RSF1: variants seen among roughly 807,000 people sequenced by gnomAD.
The protein encoded by RSF1 is remodeling and spacing factor 1.
In RSF1, 13 loss-of-function variants were observed where a neutral mutation model predicts 145.2. The ratio of observed to expected loss-of-function variants is 0.09; its 90% CI spans 0.06 to 0.14. The LOEUF is 0.14. RSF1 is among the 10% of genes least tolerant of loss of function. RSF1 has a pLI of 1.00. For missense variants in RSF1, 1,517 were observed against 1,718.2 expected (o/e 0.88, Z 2.07); for synonymous variants, 577 against 592.6 (o/e 0.97, Z 0.38).
intron 1 of RSF1, among the ~76,000 whole-genome samples, chr11:77,794,202 C>T (rs933174550): frequency 6.6e-6 from 1 of 152,172 alleles, no homozygotes; most frequent in African/African-American, 2.4e-5. Flanking sequence ...AGATACATAC[C>T]TACTGAACAT....
chr11:77,740,464 T>C (rs190784390), intron 4 of RSF1, among the ~76,000 whole-genome samples: 7 of 152,376 alleles, frequency 4.6e-5, no homozygotes, highest in African/African-American at 1.7e-4. Flanking sequence ...GTCCATATTA[T>C]TTATAATTAT....
At chr11:77,728,541 G>GGGAAGAGGAAAGGGAAGGGGAAAA (rs1309895926) in intron 4 of RSF1, among the ~76,000 whole-genome samples, 3 of 150,156 alleles carry the variant, frequency 2.0e-5, no homozygotes, top group African/African-American at 7.4e-5. Flanking sequence ...AAAGGGGAAA[G>GGGAAGAGGAAAGGGAAGGGGAAAA]GGAAGAGGAA....
chr11:77,858,289 C>A, the RSF1 span, among the ~76,000 whole-genome samples: 1 of 128,316 alleles, frequency 7.8e-6, no homozygotes, highest in East Asian at 2.3e-4. Context: ...CCACCTCCTG[C>A]GTTTAAGCAA....
intron 2 of RSF1, among the ~76,000 whole-genome samples, chr11:77,748,923 T>C (rs951104109): frequency 6.6e-6 from 1 of 152,214 alleles, no homozygotes; most frequent in Non-Finnish European, 1.5e-5. Flanking sequence ...AAATGTCCAC[T>C]AACAGGTGAA....
the RSF1 span, among the ~76,000 whole-genome samples, chr11:77,833,390 G>C: frequency 1.3e-5 from 2 of 152,102 alleles, no homozygotes; most frequent in Non-Finnish European, 2.9e-5. Flanking sequence ...ATTTTCATAA[G>C]GGACTGTGCA....
chr11:77,868,454 G>T, the RSF1 span, among the ~76,000 whole-genome samples: 1 of 150,290 alleles, frequency 6.7e-6, no homozygotes, highest in Non-Finnish European at 1.5e-5. Context: ...TGCCTCCCAG[G>T]TTCAAGTGAT....
chr11:77,793,816 G>A (rs181455350), intron 1 of RSF1, among the ~76,000 whole-genome samples: 98 of 152,232 alleles, frequency 6.4e-4, no homozygotes, highest in African/African-American at 1.9e-3. Context: ...GAGGAGGACC[G>A]GTCTTCCATC....
the RSF1 span, among the ~76,000 whole-genome samples, chr11:77,844,041 A>G: frequency 6.6e-6 from 1 of 152,152 alleles, no homozygotes; most frequent in Non-Finnish European, 1.5e-5. Context: ...TCCTCTCACA[A>G]TATGCAGGAA....
intron 9 of RSF1, among the ~76,000 whole-genome samples, chr11:77,688,200 A>C (rs1590830112): frequency 6.6e-6 from 1 of 152,048 alleles, no homozygotes; most frequent in Non-Finnish European, 1.5e-5. Flanking sequence ...GCTGAGGCAG[A>C]AGAATCGCTT....
the RSF1 span, among the ~76,000 whole-genome samples, chr11:77,850,012 C>G: frequency 6.6e-6 from 1 of 152,180 alleles, no homozygotes; most frequent in South Asian, 2.1e-4. Context: ...CTAAGGTTAG[C>G]AAGAACTATG....
intron 9 of RSF1, among the ~76,000 whole-genome samples, chr11:77,685,817 T>C (rs1333427374): frequency 6.6e-6 from 1 of 152,196 alleles, no homozygotes; most frequent in Non-Finnish European, 1.5e-5. Context: ...AGATCTTTGT[T>C]ATGCTGGAGA....
At chr11:77,796,026 T>C (rs968600383) in intron 1 of RSF1, among the ~76,000 whole-genome samples, 1 of 152,338 alleles carries the variant, frequency 6.6e-6, no homozygotes, top group African/African-American at 2.4e-5. Context: ...CTGATGGTAG[T>C]TTGTATTTCT....
In RSF1 at chr11:77,662,983, TA is replaced by T. The variant is rs1299850909; in HGVS notation, c.*3933del. 5.3e-5 allele frequency: 8 copies of T among 151,770 alleles called. No homozygotes were observed. Among genetic ancestry groups the T allele is most frequent in the Non-Finnish European group, 1.2e-4 (8 of 67,938 alleles). 9.4% of individuals were successfully genotyped at this position (151,770 alleles called of 1,614,324 possible). On this transcript the variant is annotated 3_prime_UTR_variant, in exon 16 of 16. Coordinates refer to ENST00000308488, the MANE Select transcript of RSF1 (RefSeq NM_016578.4). The stretch of plus-strand genomic sequence containing the variant: ...TTCAAGTTAATGATGGATTCATTTT[TA>T]TTTTTTCTGATACTTATCTGAAGTG...
chr11:77,688,188 A>G (rs1157954650), intron 9 of RSF1, among the ~76,000 whole-genome samples: 1 of 152,150 alleles, frequency 6.6e-6, no homozygotes, highest in East Asian at 1.9e-4. Context: ...GCTACTCGAG[A>G]GGCTGAGGCA....
At chr11:77,813,212 C>CTTAA (rs1948747306) in intron 1 of RSF1, 1 of 474,868 alleles carries the variant, frequency 2.1e-6, no homozygotes, top group East Asian at 3.2e-5. Flanking sequence ...TTAAAACTTA[C>CTTAA]TTAATTCTGA....
intron 5 of RSF1, chr11:77,703,332 C>G (rs1960468308): frequency 6.6e-6 from 1 of 152,160 alleles, no homozygotes; most frequent in South Asian, 2.1e-4. Flanking sequence ...ACAACCAAAG[C>G]TATATTCAGT....
At chr11:77,698,039 G>A (rs1960325413) in intron 7 of RSF1, among the ~76,000 whole-genome samples, 1 of 152,156 alleles carries the variant, frequency 6.6e-6, no homozygotes, top group South Asian at 2.1e-4. Context: ...CCATGAGACA[G>A]GGTCTTGCTA....
chr11:77,693,477 G>A (rs757434463), intron 8 of RSF1, 30 bp downstream of exon 8: 44 of 1,386,518 alleles, frequency 3.2e-5, no homozygotes, highest in Non-Finnish European at 4.5e-5. Context: ...CAAACTCAAA[G>A]ACTAGAAAAA....
At chr11:77,821,655 G>A (rs527990825), upstream of RSF1, among the ~76,000 whole-genome samples, 1 of 152,138 alleles carries the variant, frequency 6.6e-6, no homozygotes, top group Non-Finnish European at 1.5e-5. Flanking sequence ...GGACTCCATT[G>A]AGAGGCGGAA....
Sources: gnomAD v4.1 joint callset for allele counts (sites outside exome capture counted in the v4.1 genomes callset) on GRCh38, gnomAD v4.1.1 for gene constraint, MANE v1.5 for transcripts, NCBI Gene and HGNC (gene_info 2026-07-23, HGNC 2026-07-21) for gene names.